The following SLC14A2 variants were observed in gnomAD, a reference collection of about 807,000 sequenced individuals.
SLC14A2 encodes the protein urea transporter 2.
Under a neutral mutation model 104.6 loss-of-function variants are expected in SLC14A2, and 91 were observed. That is an observed-to-expected ratio of 0.87 (90% CI 0.73 to 1.04). The LOEUF (loss-of-function observed/expected upper bound fraction) is 1.04. Among genes scored for constraint, SLC14A2 ranks in the 50% least tolerant of loss-of-function variants. The probability of loss-of-function intolerance (pLI) is 0.00; values close to 1 mark genes in which losing one functional copy is unlikely to be tolerated. For synonymous variants in SLC14A2, 476 were observed against 466.4 expected, an observed-to-expected ratio of 1.02 and a Z score of -0.27; for missense variants, 1,189 against 1,156.0, an observed-to-expected ratio of 1.03 and a Z score of -0.41.
At chr18:45,504,328 A>G (rs1309635097) in intron 2 of SLC14A2, among the ~76,000 whole-genome samples, 1 of 152,194 alleles carries the variant, frequency 6.6e-6, no homozygotes, top group Non-Finnish European at 1.5e-5. Context: ...TACCAAGGAT[A>G]GCATAATGAA....
chr18:45,262,967 T>C (rs1443153237), intron 1 of SLC14A2, among the ~76,000 whole-genome samples: 1 of 152,238 alleles, frequency 6.6e-6, no homozygotes, highest in East Asian at 1.9e-4. Context: ...TGCTAACATC[T>C]TGCACACACA....
chr18:45,518,777 G>A (rs2043476670), intron 2 of SLC14A2, among the ~76,000 whole-genome samples: 1 of 152,182 alleles, frequency 6.6e-6, no homozygotes, highest in Non-Finnish European at 1.5e-5. Context: ...TAGAAAAAAA[G>A]AGCAGGAGGA....
At chr18:45,530,249 C>A (rs1377557868) in intron 2 of SLC14A2, among the ~76,000 whole-genome samples, 1 of 152,156 alleles carries the variant, frequency 6.6e-6, no homozygotes, top group Admixed American at 6.6e-5. Flanking sequence ...TTAACAATAA[C>A]CTTTTTAAAA....
intron 1 of SLC14A2, among the ~76,000 whole-genome samples, chr18:45,235,913 A>C (rs12962439): frequency 8.8e-6 from 1 of 114,076 alleles, no homozygotes; most frequent in Admixed American, 9.1e-5. Flanking sequence ...GTATATATAC[A>C]TATATGTGTG....
chr18:45,189,031 C>A, the SLC14A2 span, among the ~76,000 whole-genome samples: 484 of 152,274 alleles, frequency 3.2e-3, 2 homozygotes, highest in African/African-American at 0.011. Flanking sequence ...TTGTTACATG[C>A]CTTTTCCCAG....
intron 5 of SLC14A2, among the ~76,000 whole-genome samples, chr18:45,636,208 A>T (rs2045413957): frequency 6.6e-6 from 1 of 152,230 alleles, no homozygotes; most frequent in Admixed American, 6.5e-5. Context: ...TTAAAAGCAG[A>T]CAATTTAAAC....
intron 1 of SLC14A2, among the ~76,000 whole-genome samples, chr18:45,448,316 T>C (rs1320000838): frequency 1.3e-5 from 2 of 152,218 alleles, no homozygotes; most frequent in East Asian, 3.8e-4. Context: ...GAAAGCATTG[T>C]CAAGAATTAA....
At chr18:45,290,584 G>A (rs2084859529) in intron 1 of SLC14A2, among the ~76,000 whole-genome samples, 1 of 152,192 alleles carries the variant, frequency 6.6e-6, no homozygotes, top group Non-Finnish European at 1.5e-5. Flanking sequence ...CCAGCCCCAT[G>A]TGACTAAGAA....
chr18:45,612,036 A>C (rs2044981185), upstream of SLC14A2, among the ~76,000 whole-genome samples: 1 of 152,264 alleles, frequency 6.6e-6, no homozygotes, highest in Non-Finnish European at 1.5e-5. Flanking sequence ...ATACTTCAAG[A>C]AAACAAGGAA....
At chr18:45,637,323 A>G in intron 6 of SLC14A2, 141 bp downstream of exon 6, 1 of 646,902 alleles carries the variant, frequency 1.5e-6, no homozygotes, top group Non-Finnish European at 2.6e-6. Flanking sequence ...GGTATCAGAA[A>G]GGGTTGCTGC....
chr18:45,681,550 A>C (rs1026018185), intron 19 of SLC14A2, among the ~76,000 whole-genome samples: 2 of 152,248 alleles, frequency 1.3e-5, no homozygotes, highest in Non-Finnish European at 2.9e-5. Flanking sequence ...GTCAACATCA[A>C]GAGAAAAAGA....
chr18:45,319,561 C>G (rs756957366), intron 1 of SLC14A2, among the ~76,000 whole-genome samples: 46 of 152,204 alleles, frequency 3.0e-4, no homozygotes, highest in Non-Finnish European at 5.9e-4. Context: ...TTTCCATTAG[C>G]CTAGCACATG....
intron 1 of SLC14A2, among the ~76,000 whole-genome samples, chr18:45,215,943 A>G (rs956716717): frequency 2.0e-5 from 3 of 152,182 alleles, no homozygotes; most frequent in African/African-American, 7.2e-5. Flanking sequence ...GTTTCTTCAT[A>G]CAGTGTACAT....
chr18:45,470,298 C>T (rs951243663), intron 1 of SLC14A2, among the ~76,000 whole-genome samples: 1 of 152,148 alleles, frequency 6.6e-6, no homozygotes, highest in African/African-American at 2.4e-5. Flanking sequence ...GATTTGCTTG[C>T]TTGCCTTTTT....
intron 1 of SLC14A2, among the ~76,000 whole-genome samples, chr18:45,342,682 G>C (rs1450017230): frequency 1.3e-5 from 2 of 152,188 alleles, no homozygotes; most frequent in African/African-American, 4.8e-5. Flanking sequence ...TGATGACTAG[G>C]ATGGAGAAAT....
chr18:45,376,249 G>A (rs2085773754), intron 1 of SLC14A2, among the ~76,000 whole-genome samples: 1 of 152,136 alleles, frequency 6.6e-6, no homozygotes, highest in Non-Finnish European at 1.5e-5. Context: ...ATTTTGCTGA[G>A]CTCTTTGTAT....
At chr18:45,590,712 G>A (rs2044635345) in intron 2 of SLC14A2, among the ~76,000 whole-genome samples, 1 of 152,204 alleles carries the variant, frequency 6.6e-6, no homozygotes, top group African/African-American at 2.4e-5. Context: ...GTCACACCCT[G>A]CAGTTGGCAG....
intron 2 of SLC14A2, among the ~76,000 whole-genome samples, chr18:45,499,537 A>T (rs2043157383): frequency 6.6e-6 from 1 of 152,234 alleles, no homozygotes; most frequent in Non-Finnish European, 1.5e-5. Flanking sequence ...CCTCTATAAA[A>T]ATGGGTATTA....
At chr18:45,283,931 T>G (rs113708931) in intron 1 of SLC14A2, among the ~76,000 whole-genome samples, 16 of 152,308 alleles carry the variant, frequency 1.1e-4, no homozygotes, top group African/African-American at 3.4e-4. Context: ...GTGTAAAACA[T>G]GTACTGGATT....
Sources: gnomAD v4.1 joint callset for allele counts (sites outside exome capture counted in the v4.1 genomes callset) on GRCh38, gnomAD v4.1.1 for gene constraint, MANE v1.5 for transcripts, NCBI Gene and HGNC (gene_info 2026-07-23, HGNC 2026-07-21) for gene names.